Variants in OR3A2 observed in about 807,000 individuals in gnomAD.
The protein encoded by OR3A2 is olfactory receptor family 3 subfamily A member 2, also known as olfactory receptor 3A2.
For synonymous variants in OR3A2, 126 were observed against 159.3 expected (o/e 0.79, Z 1.57); for missense variants, 318 against 392.8 (o/e 0.81, Z 1.61).
At chr17:3,310,256 T>C in intron 3 of OR3A2, 1 of 486,886 alleles carries the variant, frequency 2.1e-6, no homozygotes, top group Non-Finnish European at 4.2e-6. Flanking sequence ...ATCCTGCTTC[T>C]GCCACCACCG....
chr17:3,300,770 C>G (rs899815402), intron 3 of OR3A2, among the ~76,000 whole-genome samples: 1 of 151,560 alleles, frequency 6.6e-6, no homozygotes, highest in Non-Finnish European at 1.5e-5. Flanking sequence ...TATACATGTG[C>G]TGTGTTGGTG....
intron 3 of OR3A2, among the ~76,000 whole-genome samples, chr17:3,326,544 T>C (rs903344233): frequency 9.7e-5 from 14 of 144,288 alleles, no homozygotes; most frequent in African/African-American, 3.2e-4. Context: ...TATGCCTGTC[T>C]TTTTTTTTTC....
intron 1 of OR3A2, among the ~76,000 whole-genome samples, chr17:3,283,697 C>T (rs905182152): frequency 4.9e-4 from 74 of 152,122 alleles, no homozygotes; most frequent in African/African-American, 4.8e-5. Flanking sequence ...AGGGACTCCT[C>T]TGTGTTAACA....
At chr17:3,300,134 CTCTTT>C (rs1011284894) in intron 3 of OR3A2, among the ~76,000 whole-genome samples, 1 of 151,530 alleles carries the variant, frequency 6.6e-6, no homozygotes, top group African/African-American at 2.4e-5. Flanking sequence ...TTTCCCTTCC[CTCTTT>C]TTTTTTTTTA....
upstream of OR3A2, among the ~76,000 whole-genome samples, chr17:3,285,988 C>T (rs578058048): frequency 5.1e-4 from 77 of 152,240 alleles, 1 homozygote; most frequent in Admixed American, 3.6e-3. Context: ...CATAGGTATA[C>T]GTGTGCCATG....
At chr17:3,371,791 C>T (rs1466168703) in intron 2 of OR3A2, among the ~76,000 whole-genome samples, 1 of 142,660 alleles carries the variant, frequency 7.0e-6, no homozygotes, top group African/African-American at 2.6e-5. Context: ...GCGCCCCTCA[C>T]CTCCTGGCCG....
At chr17:3,366,691 T>G (rs944825546) in intron 2 of OR3A2, among the ~76,000 whole-genome samples, 2 of 152,170 alleles carry the variant, frequency 1.3e-5, no homozygotes, top group African/African-American at 4.8e-5. Flanking sequence ...CCTAAAACAT[T>G]CATGGCAGAT....
At chr17:3,321,292 A>G (rs60725595) in intron 3 of OR3A2, among the ~76,000 whole-genome samples, 22,847 of 151,804 alleles carry the variant, frequency 0.15, 2,296 homozygotes, top group African/African-American at 0.28. Flanking sequence ...GAGACAATGG[A>G]GTTTTCTAGA....
chr17:3,360,458 T>C (rs902227368), intron 2 of OR3A2, among the ~76,000 whole-genome samples: 2 of 151,728 alleles, frequency 1.3e-5, no homozygotes, highest in African/African-American at 2.4e-5. Context: ...TTTGTTGCCA[T>C]TGCTTTTGGT....
intron 1 of OR3A2, 121 bp downstream of exon 1, chr17:3,386,002 CCG>C: frequency 2.5e-6 from 1 of 398,782 alleles, no homozygotes; most frequent in East Asian, 3.6e-5. Flanking sequence ...AGACGCCCAC[CCG>C]CTGCTGTTCC....
chr17:3,333,984 G>A (rs1030924495), intron 3 of OR3A2, among the ~76,000 whole-genome samples: 13 of 152,090 alleles, frequency 8.5e-5, no homozygotes, highest in Admixed American at 3.9e-4. Flanking sequence ...CATTCATGCC[G>A]CCAAAAACAT....
intron 3 of OR3A2, among the ~76,000 whole-genome samples, chr17:3,332,814 T>G (rs1431955070): frequency 6.6e-6 from 1 of 152,230 alleles, no homozygotes; most frequent in African/African-American, 2.4e-5. Context: ...ACTCTTATAA[T>G]TTCTTATGCC....
At chr17:3,312,961 T>C (rs1045960981) in intron 3 of OR3A2, among the ~76,000 whole-genome samples, 3 of 152,184 alleles carry the variant, frequency 2.0e-5, no homozygotes, top group African/African-American at 7.2e-5. Context: ...CACTGATTTA[T>C]GTTGGACATT....
intron 2 of OR3A2, among the ~76,000 whole-genome samples, chr17:3,367,599 G>GTATATATATA (rs201439962): frequency 1.3e-4 from 11 of 85,966 alleles, no homozygotes; most frequent in African/African-American, 4.5e-4. Context: ...GTGTGTGTGT[G>GTATATATATA]TGTATATATA....
intron 2 of OR3A2, among the ~76,000 whole-genome samples, chr17:3,338,482 C>T (rs2049290107): frequency 6.6e-6 from 1 of 152,176 alleles, no homozygotes; most frequent in Non-Finnish European, 1.5e-5. Context: ...TTTCAGCTTT[C>T]TACATATGGC....
chr17:3,339,562 G>A (rs559647893), intron 2 of OR3A2, among the ~76,000 whole-genome samples: 2 of 152,224 alleles, frequency 1.3e-5, no homozygotes, highest in African/African-American at 4.8e-5. Context: ...TTCTGTTTAT[G>A]TGATGGATTA....
At chr17:3,384,179 G>C (rs117586482) in intron 1 of OR3A2, among the ~76,000 whole-genome samples, 2,415 of 152,274 alleles carry the variant, frequency 0.016, 31 homozygotes, top group Non-Finnish European at 0.023. Context: ...AGGTGTGCTA[G>C]ATTGGTTGAA....
intron 3 of OR3A2, among the ~76,000 whole-genome samples, chr17:3,323,267 C>T (rs952921475): frequency 2.6e-5 from 4 of 151,990 alleles, no homozygotes; most frequent in Non-Finnish European, 4.4e-5. Flanking sequence ...TGTCTCTGCA[C>T]GTGAGATGGG....
At chr17:3,296,357 T>C (rs16952836) in intron 3 of OR3A2, among the ~76,000 whole-genome samples, 2,140 of 152,194 alleles carry the variant, frequency 0.014, 35 homozygotes, top group African/African-American at 0.048. Context: ...AAAGAATTCG[T>C]AGCCTTAAAT....
Sources: gnomAD v4.1 joint callset for allele counts (sites outside exome capture counted in the v4.1 genomes callset) on GRCh38, gnomAD v4.1.1 for gene constraint, MANE v1.5 for transcripts, NCBI Gene and HGNC (gene_info 2026-07-23, HGNC 2026-07-21) for gene names.